Variants in PDE1A observed in about 807,000 individuals in gnomAD.
PDE1A encodes the protein dual specificity calcium/calmodulin-dependent 3',5'-cyclic nucleotide phosphodiesterase 1A.
PDE1A carries 35 observed loss-of-function variants against 61.7 expected under a neutral mutation model. That is an observed-to-expected ratio of 0.57 (90% CI 0.43 to 0.75). The LOEUF (loss-of-function observed/expected upper bound fraction) is 0.75, where lower values mean the gene tolerates loss of function less well. Among genes scored for constraint, PDE1A ranks in the 30% least tolerant of loss-of-function variants. PDE1A has a pLI of 0.00. For synonymous variants in PDE1A, 232 were observed against 213.2 expected (o/e 1.09, Z -0.77); for missense variants, 597 against 630.6 (o/e 0.95, Z 0.57).
At chr2:182,413,679 G>A (rs1366499317) in intron 1 of PDE1A, among the ~76,000 whole-genome samples, 1 of 152,066 alleles carries the variant, frequency 6.6e-6, no homozygotes, top group East Asian at 1.9e-4. Context: ...ATAGATATTT[G>A]GCACAAAGAA....
Position 182,454,181 on chromosome 2 carries a change from G to C in PDE1A, c.101+68095C>G, listed in dbSNP as rs376459533. On this transcript the variant is annotated intron_variant, in intron 2 of 14. Coordinates refer to the PDE1A transcript ENST00000410103. ...CTCCCAGTCAGAATTGCTTCGAAGA[G>C]AATAAAATACCTCGGAATCCAGCTT... is the stretch of plus-strand genomic sequence containing the variant. Among the ~76,000 whole-genome samples, 13 of 152,124 alleles carry C rather than the reference G, an allele frequency of 8.5e-5. No homozygotes were observed. In the East Asian group the frequency reaches 2.3e-3, roughly 27 times the overall value.
At chr2:182,525,137 C>T (rs767843186), upstream of PDE1A, among the ~76,000 whole-genome samples, 3 of 152,080 alleles carry the variant, frequency 2.0e-5, no homozygotes, top group Admixed American at 1.3e-4. Flanking sequence ...AGTGTTCATG[C>T]ACTGAATGAG....
At chr2:182,501,456 T>C (rs1242256280) in intron 2 of PDE1A, among the ~76,000 whole-genome samples, 3 of 152,198 alleles carry the variant, frequency 2.0e-5, no homozygotes, top group Admixed American at 2.0e-4. Flanking sequence ...GCCTGCTTTG[T>C]TTTCTTTTCA....
intron 1 of PDE1A, among the ~76,000 whole-genome samples, chr2:182,370,229 T>C (rs1027230070): frequency 9.2e-5 from 14 of 152,218 alleles, no homozygotes; most frequent in South Asian, 6.2e-4. Flanking sequence ...GTTAATCTTT[T>C]TTCCTGTGAG....
chr2:182,483,798 C>T (rs1687846251), intron 2 of PDE1A, among the ~76,000 whole-genome samples: 1 of 151,758 alleles, frequency 6.6e-6, no homozygotes, highest in Non-Finnish European at 1.5e-5. Context: ...ACATAGATAA[C>T]ATAAAACAAT....
chr2:182,686,555 C>G, the PDE1A span, among the ~76,000 whole-genome samples: 41 of 152,258 alleles, frequency 2.7e-4, 1 homozygote, highest in Middle Eastern at 3.4e-3. Flanking sequence ...ACAGGCGGTT[C>G]CAAGATGGCC....
intron 2 of PDE1A, among the ~76,000 whole-genome samples, chr2:182,497,374 T>TATC (rs1688780593): frequency 6.6e-6 from 1 of 152,184 alleles, no homozygotes; most frequent in Admixed American, 6.5e-5. Flanking sequence ...AGGCACCAGG[T>TATC]ATCACAGCAG....
At chr2:182,600,034 A>C in the PDE1A span, among the ~76,000 whole-genome samples, 1 of 152,218 alleles carries the variant, frequency 6.6e-6, no homozygotes, top group African/African-American at 2.4e-5. Flanking sequence ...CCCAGGAGAA[A>C]AATAAATCCT....
At chr2:182,615,512 T>C in the PDE1A span, among the ~76,000 whole-genome samples, 740 of 152,316 alleles carry the variant, frequency 4.9e-3, 3 homozygotes, top group Non-Finnish European at 7.9e-3. Flanking sequence ...AAATTAGCAA[T>C]TTCCCTATTA....
intron 1 of PDE1A, among the ~76,000 whole-genome samples, chr2:182,279,403 T>C (rs1049393979): frequency 3.4e-5 from 5 of 147,464 alleles, no homozygotes; most frequent in Non-Finnish European, 7.5e-5. Flanking sequence ...AGAATGGCTT[T>C]GGTTACTGGT....
At chr2:182,583,527 A>T in the PDE1A span, among the ~76,000 whole-genome samples, 1 of 152,176 alleles carries the variant, frequency 6.6e-6, no homozygotes, top group East Asian at 1.9e-4. Context: ...GAAGATATGG[A>T]AAGTTTACTT....
At chr2:182,571,077 T>A in the PDE1A span, among the ~76,000 whole-genome samples, 1 of 152,182 alleles carries the variant, frequency 6.6e-6, no homozygotes, top group Admixed American at 6.5e-5. Context: ...ATGCTAATGT[T>A]TAAATACTCA....
At chr2:182,223,690 A>T (rs543527399) in intron 7 of PDE1A, among the ~76,000 whole-genome samples, 174 bp downstream of exon 7, 4 of 152,122 alleles carry the variant, frequency 2.6e-5, no homozygotes, top group Admixed American at 6.6e-5. Flanking sequence ...CAAGATTCTT[A>T]AAAAATAGTA....
intron 1 of PDE1A, among the ~76,000 whole-genome samples, chr2:182,331,486 C>T (rs1697405794): frequency 6.6e-6 from 1 of 152,142 alleles, no homozygotes; most frequent in Non-Finnish European, 1.5e-5. Context: ...TGGCTGGTAC[C>T]AGTTTTTCCT....
In PDE1A at chr2:182,185,989, G is replaced by C. The variant is rs532092704; in HGVS notation, c.1419C>G (p.Asp473Glu). The C allele has an allele frequency of 4.3e-6, 7 of 1,614,098 alleles. No individual in the cohort carries two copies. In the South Asian group the frequency reaches 7.7e-5, roughly 18 times the overall value. ...TCAGGTCCACTGCTGCAAGGGAGTA[G>C]TCTGGGGAATAGGACCCATCACTCA... is the stretch of plus-strand genomic sequence containing the variant. Residue 473 changes from aspartate (D) to glutamate (E), a missense_variant, in exon 13 of 14, where the codon GAC becomes GAG. Physicochemically the swap from Asp to Glu is conservative, Grantham distance 45. Coordinates refer to ENST00000351439, the Ensembl canonical transcript of PDE1A.
chr2:182,697,574 C>T, the PDE1A span, among the ~76,000 whole-genome samples: 2 of 152,224 alleles, frequency 1.3e-5, no homozygotes, highest in African/African-American at 2.4e-5. Flanking sequence ...CAAAACACCA[C>T]GCTGCCAGGT....
chr2:182,524,262 C>CA (rs1397624914), upstream of PDE1A, among the ~76,000 whole-genome samples: 1 of 152,020 alleles, frequency 6.6e-6, no homozygotes, highest in African/African-American at 2.4e-5. Flanking sequence ...ATATTGCAGC[C>CA]AAAAATCTCC....
intron 1 of PDE1A, among the ~76,000 whole-genome samples, chr2:182,386,495 C>T (rs533807964): frequency 4.0e-5 from 6 of 150,612 alleles, no homozygotes; most frequent in South Asian, 2.1e-4. Flanking sequence ...TGCCCGGCCG[C>T]GACCCCATCT....
At chr2:182,516,812 G>A (rs1690212912) in intron 2 of PDE1A, among the ~76,000 whole-genome samples, 1 of 102,246 alleles carries the variant, frequency 9.8e-6, no homozygotes, top group African/African-American at 3.6e-5. Context: ...AGGAAGGAAG[G>A]AAAGGAAGGG....
Sources: gnomAD v4.1 joint callset for allele counts (sites outside exome capture counted in the v4.1 genomes callset) on GRCh38, gnomAD v4.1.1 for gene constraint, MANE v1.5 for transcripts, NCBI Gene and HGNC (gene_info 2026-07-23, HGNC 2026-07-21) for gene names.